PTPRE: variants seen among roughly 807,000 people sequenced by gnomAD.
PTPRE encodes protein tyrosine phosphatase receptor type E.
A neutral mutation model predicts 102.0 loss-of-function variants in PTPRE; 51 were observed. The observed-to-expected ratio is 0.50, with a 90% CI of 0.40 to 0.63. The LOEUF is 0.63. PTPRE is among the 30% of genes least tolerant of loss of function. The pLI is 0.00. For synonymous variants in PTPRE, 345 were observed against 348.2 expected (o/e 0.99, Z 0.10); for missense variants, 752 against 915.1 (o/e 0.82, Z 2.30).
chr10:127,959,302 G>T (rs1849630913), intron 1 of PTPRE, among the ~76,000 whole-genome samples: 1 of 152,210 alleles, frequency 6.6e-6, no homozygotes, highest in Admixed American at 6.5e-5. Context: ...AGCTTACCCA[G>T]TTCATGCATT....
intron 1 of PTPRE, among the ~76,000 whole-genome samples, chr10:127,952,342 CTAGCCCTTAGTTGCCCTCA>C (rs1849094510): frequency 3.5e-5 from 5 of 141,788 alleles, no homozygotes; most frequent in Non-Finnish European, 6.1e-5. Flanking sequence ...CCCGCCCCCC[CTAGCCCTTAGTTGCCCTCA>C]CCCAAACCAA....
chr10:127,937,217 G>T (rs756441961), intron 1 of PTPRE, among the ~76,000 whole-genome samples: 1 of 152,074 alleles, frequency 6.6e-6, no homozygotes, highest in Admixed American at 6.6e-5. Context: ...CATGATAATG[G>T]CTTTTTATAA....
intron 2 of PTPRE, among the ~76,000 whole-genome samples, chr10:127,996,897 A>G (rs1485781279): frequency 6.6e-6 from 1 of 152,224 alleles, no homozygotes; most frequent in Non-Finnish European, 1.5e-5. Context: ...CTATGTGGAA[A>G]GAGTTTTCTT....
chr10:127,923,505 G>A (rs1846767684), intron 1 of PTPRE, among the ~76,000 whole-genome samples: 1 of 147,460 alleles, frequency 6.8e-6, no homozygotes, highest in Non-Finnish European at 1.5e-5. Flanking sequence ...CCAGGTTCAA[G>A]TGATTCTCCC....
intron 1 of PTPRE, among the ~76,000 whole-genome samples, chr10:127,957,657 C>A (rs923462085): frequency 6.6e-6 from 1 of 152,180 alleles, no homozygotes; most frequent in African/African-American, 2.4e-5. Flanking sequence ...CTGTTCTTCT[C>A]CTTCAATATT....
chr10:128,012,235 G>A (rs1394047940), intron 2 of PTPRE, among the ~76,000 whole-genome samples: 2 of 152,148 alleles, frequency 1.3e-5, no homozygotes, highest in African/African-American at 2.4e-5. Context: ...AGTGCTGGCC[G>A]CCTCCTGGAG....
chr10:127,968,249 C>T (rs1444941203), intron 1 of PTPRE, among the ~76,000 whole-genome samples: 2 of 152,188 alleles, frequency 1.3e-5, no homozygotes, highest in Non-Finnish European at 1.5e-5. Flanking sequence ...AAGTCAACTG[C>T]ACTCCAGGCT....
chr10:128,038,372 G>T lies in PTPRE; in HGVS notation c.-7-2503G>T, dbSNP rs1847402329. Among the ~76,000 whole-genome samples the T allele has an allele frequency of 2.0e-5, 3 of 152,294 alleles. No individual in the cohort carries two copies. In the South Asian group the frequency reaches 6.2e-4, roughly 32 times the overall value. ...CACATGCACACAGATGTTTATTGCG[G>T]CACTATTCACAATAGCAAAGACTTG... is the stretch of plus-strand genomic sequence containing the variant. On this transcript the variant is annotated intron_variant, in intron 2 of 20. Coordinates refer to ENST00000254667, the MANE Select transcript of PTPRE (RefSeq NM_006504.6).
intron 2 of PTPRE, among the ~76,000 whole-genome samples, chr10:128,022,592 G>T (rs1470042976): frequency 6.6e-6 from 1 of 152,220 alleles, no homozygotes; most frequent in Non-Finnish European, 1.5e-5. Flanking sequence ...TCTGGACTCT[G>T]CCCTGCACCT....
chr10:127,981,628 G>A (rs1227222810), intron 1 of PTPRE, among the ~76,000 whole-genome samples: 2 of 152,102 alleles, frequency 1.3e-5, no homozygotes, highest in Non-Finnish European at 1.5e-5. Flanking sequence ...GACTAGCCTG[G>A]CCAACATGGT....
intron 2 of PTPRE, among the ~76,000 whole-genome samples, chr10:127,983,065 TG>T (rs1432538531): frequency 6.6e-5 from 10 of 152,214 alleles, no homozygotes; most frequent in Non-Finnish European, 5.9e-5. Context: ...CTAAATGTAT[TG>T]CCTTGTTTGA....
At position 128,077,718 on chromosome 10, in the gene PTPRE, C is replaced by T. The variant is rs563963865; in HGVS notation, c.1827C>T (p.Asp609=). Residue 609 remains aspartate (D), a synonymous_variant, in exon 19 of 21, where the codon GAC becomes GAT. Transcript: ENST00000254667. ...CCGCCGAGGGCAAAGGCATGATTGA[C>T]CTCATCGCAGCCGTGCAGAAGCAGC... is the stretch of plus-strand genomic sequence containing the variant. ...GIPAEGKGMI[D]LIAAVQKQQQ... 7 of 1,613,590 alleles carry T rather than the reference C, an allele frequency of 4.3e-6. No homozygotes were observed. In the South Asian group the frequency reaches 5.5e-5, roughly 13 times the overall value.
At chr10:127,984,803 G>A (rs1051507451) in intron 2 of PTPRE, among the ~76,000 whole-genome samples, 7 of 152,148 alleles carry the variant, frequency 4.6e-5, no homozygotes, top group African/African-American at 1.2e-4. Flanking sequence ...CCATGATTGT[G>A]AGGCCTCCCC....
intron 17 of PTPRE, among the ~76,000 whole-genome samples, chr10:128,074,026 A>G (rs958728956): frequency 4.6e-5 from 7 of 152,174 alleles, no homozygotes; most frequent in Non-Finnish European, 1.0e-4. Flanking sequence ...CCACTATCTA[A>G]TCTGTGATCA....
intron 1 of PTPRE, among the ~76,000 whole-genome samples, chr10:127,964,007 G>A (rs2135399661): frequency 6.6e-6 from 1 of 152,228 alleles, no homozygotes; most frequent in South Asian, 2.1e-4. Flanking sequence ...GATTAGTGCT[G>A]GCCCCCAGGT....
intron 3 of PTPRE, among the ~76,000 whole-genome samples, chr10:128,041,579 C>A (rs1382322945): frequency 8.3e-6 from 1 of 121,116 alleles, no homozygotes; most frequent in African/African-American, 3.2e-5. Flanking sequence ...ACCTGGGAGG[C>A]GGAGGTTGCA....
chr10:128,018,176 A>G (rs1289431425), intron 2 of PTPRE, among the ~76,000 whole-genome samples: 2 of 151,286 alleles, frequency 1.3e-5, no homozygotes, highest in African/African-American at 2.4e-5. Context: ...CGTGGGAGGT[A>G]GGAGCTTTGG....
intron 1 of PTPRE, among the ~76,000 whole-genome samples, chr10:127,973,564 G>A (rs1235856410): frequency 6.6e-6 from 1 of 152,044 alleles, no homozygotes; most frequent in African/African-American, 2.4e-5. Context: ...TCGATTGGCA[G>A]ATTTTTCATT....
At chr10:128,072,641 G>A (rs11016051) in intron 16 of PTPRE, 20,158 of 127,372 alleles carry the variant, frequency 0.16, 1,680 homozygotes, top group East Asian at 0.28. Context: ...AACAGAGTGA[G>A]AGCGAGACCC....
Sources: allele counts gnomAD v4.1 joint callset (sites outside exome capture counted in the v4.1 genomes callset), GRCh38; gene constraint gnomAD v4.1.1; transcripts MANE v1.5; gene names NCBI Gene and HGNC (gene_info 2026-07-23, HGNC 2026-07-21).